Variants in NKAIN1 observed in about 807,000 individuals in gnomAD.
NKAIN1 encodes sodium/potassium transporting ATPase interacting 1, also known as sodium/potassium-transporting ATPase subunit beta-1-interacting protein 1.
In NKAIN1, 13 loss-of-function variants were observed where a neutral mutation model predicts 31.6. That is an observed-to-expected ratio of 0.41 (90% CI 0.27 to 0.65). The LOEUF (loss-of-function observed/expected upper bound fraction) is 0.65, where lower values mean the gene tolerates loss of function less well. NKAIN1 is among the 30% of genes least tolerant of loss of function. The pLI is 0.30. For missense variants in NKAIN1, 193 were observed against 262.2 expected, an observed-to-expected ratio of 0.74 and a Z score of 1.82; for synonymous variants, 104 against 109.0, an observed-to-expected ratio of 0.95 and a Z score of 0.28.
chr1:31,229,766 T>C (rs1004597250), intron 1 of NKAIN1, among the ~76,000 whole-genome samples: 1 of 152,120 alleles, frequency 6.6e-6, no homozygotes, highest in Non-Finnish European at 1.5e-5. Flanking sequence ...CAGTCACCAC[T>C]GCCTGCAACA....
intron 1 of NKAIN1, among the ~76,000 whole-genome samples, chr1:31,190,497 T>A (rs781664257): frequency 1.3e-5 from 2 of 152,218 alleles, no homozygotes; most frequent in Non-Finnish European, 2.9e-5. Context: ...GGTGGCAGAA[T>A]AGGCCTTTCT....
At chr1:31,238,412 A>G (rs1053223787) in intron 1 of NKAIN1, among the ~76,000 whole-genome samples, 1 of 152,144 alleles carries the variant, frequency 6.6e-6, no homozygotes, top group Non-Finnish European at 1.5e-5. Context: ...GGGTTCGGCG[A>G]TGGAGGTCCC....
At chr1:31,217,022 C>T (rs572556175) in intron 1 of NKAIN1, among the ~76,000 whole-genome samples, 423 of 152,286 alleles carry the variant, frequency 2.8e-3, no homozygotes, top group African/African-American at 0.01. Flanking sequence ...TGTGCCACCA[C>T]GCCCAGGTAA....
chr1:31,191,149 G>A (rs1051208826), intron 1 of NKAIN1, among the ~76,000 whole-genome samples: 1 of 152,166 alleles, frequency 6.6e-6, no homozygotes, highest in Non-Finnish European at 1.5e-5. Context: ...AAGTTAGCTG[G>A]GTGTGGTGGC....
intron 4 of NKAIN1, 74 bp downstream of exon 4, chr1:31,183,743 C>G: frequency 6.7e-7 from 1 of 1,499,702 alleles, no homozygotes; most frequent in Non-Finnish European, 9.1e-7. Flanking sequence ...CCACTGCGCC[C>G]AACCCATCCC....
chr1:31,222,747 C>T (rs1203363086), intron 1 of NKAIN1, among the ~76,000 whole-genome samples: 1 of 152,178 alleles, frequency 6.6e-6, no homozygotes, highest in Admixed American at 6.5e-5. Context: ...CACCCTCAAA[C>T]CTGGTGAAGT....
intron 1 of NKAIN1, among the ~76,000 whole-genome samples, chr1:31,215,622 C>T (rs1645505918): frequency 6.6e-6 from 1 of 152,116 alleles, no homozygotes; most frequent in Admixed American, 6.6e-5. Flanking sequence ...TAAATGACAC[C>T]TCCTCCACCC....
intron 1 of NKAIN1, among the ~76,000 whole-genome samples, chr1:31,231,334 C>CT (rs34019998): frequency 0.45 from 55,934 of 123,604 alleles, 13,569 homozygotes; most frequent in East Asian, 0.82. Flanking sequence ...CCTTATTCTA[C>CT]TTTTTTTTTT....
intron 1 of NKAIN1, among the ~76,000 whole-genome samples, chr1:31,218,055 TCTTTCTTTC>T: frequency 7.0e-6 from 1 of 143,140 alleles, no homozygotes; most frequent in African/African-American, 2.6e-5. Flanking sequence ...TTTCTTTCTT[TCTTTCTTTC>T]TTTCTTTTTT....
chr1:31,215,028 G>A (rs541198460), intron 1 of NKAIN1, among the ~76,000 whole-genome samples: 16 of 152,330 alleles, frequency 1.1e-4, no homozygotes, highest in Admixed American at 7.2e-4. Context: ...GAAGGAGCCC[G>A]GAGGTCATTT....
chr1:31,225,620 G>A (rs1198488276), intron 1 of NKAIN1, among the ~76,000 whole-genome samples: 5 of 152,090 alleles, frequency 3.3e-5, no homozygotes, highest in Non-Finnish European at 5.9e-5. Flanking sequence ...GAGCCACCAC[G>A]CCTCACAGTC....
chr1:31,193,871 A>T (rs948461906), intron 1 of NKAIN1: 6 of 152,206 alleles, frequency 3.9e-5, no homozygotes, highest in African/African-American at 1.4e-4. Flanking sequence ...TGTAAATCAT[A>T]ACCGGCCTTG....
chr1:31,208,380 C>G (rs555287217), intron 1 of NKAIN1, among the ~76,000 whole-genome samples: 2 of 152,268 alleles, frequency 1.3e-5, no homozygotes, highest in South Asian at 4.1e-4. Context: ...TGTTGGAGAT[C>G]CGCCTCTGCT....
intron 1 of NKAIN1, among the ~76,000 whole-genome samples, chr1:31,212,389 T>C (rs1645476504): frequency 7.2e-6 from 1 of 138,418 alleles, no homozygotes; most frequent in South Asian, 2.5e-4. Context: ...TACTCTGGAT[T>C]AGGTAATAGT....
intron 1 of NKAIN1, among the ~76,000 whole-genome samples, chr1:31,210,146 T>C (rs987737589): frequency 6.6e-6 from 1 of 152,166 alleles, no homozygotes; most frequent in Admixed American, 6.5e-5. Context: ...AAATGCATTA[T>C]GTCTTAGTAA....
intron 1 of NKAIN1, among the ~76,000 whole-genome samples, chr1:31,201,049 C>T (rs1042562506): frequency 6.6e-6 from 1 of 151,788 alleles, no homozygotes; most frequent in Non-Finnish European, 1.5e-5. Flanking sequence ...GTCAGGCTCA[C>T]GCTCCCAGCA....
At chr1:31,219,584 G>A (rs1284996401) in intron 1 of NKAIN1, among the ~76,000 whole-genome samples, 1 of 152,232 alleles carries the variant, frequency 6.6e-6, no homozygotes, top group Non-Finnish European at 1.5e-5. Flanking sequence ...GGCCAGAGGA[G>A]GGCCACAGAA....
intron 1 of NKAIN1, among the ~76,000 whole-genome samples, chr1:31,232,151 G>C (rs928128529): frequency 6.7e-6 from 1 of 149,572 alleles, no homozygotes; most frequent in African/African-American, 2.5e-5. Flanking sequence ...GAGTGCAATG[G>C]CGTGATCTTG....
At chr1:31,210,564 C>T (rs1645460565) in intron 1 of NKAIN1, among the ~76,000 whole-genome samples, 2 of 152,222 alleles carry the variant, frequency 1.3e-5, no homozygotes, top group Admixed American at 1.3e-4. Context: ...GCTGGGATTA[C>T]AGGCGTGAGC....
Sources: gnomAD v4.1 joint callset for allele counts (sites outside exome capture counted in the v4.1 genomes callset) on GRCh38, gnomAD v4.1.1 for gene constraint, MANE v1.5 for transcripts, NCBI Gene and HGNC (gene_info 2026-07-23, HGNC 2026-07-21) for gene names.